The following TAF4 variants were observed in gnomAD, a reference collection of about 807,000 sequenced individuals.
TAF4 encodes the protein TATA-box binding protein associated factor 4.
A neutral mutation model predicts 90.3 loss-of-function variants in TAF4; 9 were observed. That is an observed-to-expected ratio of 0.10 (90% confidence interval 0.06 to 0.17). The LOEUF is 0.17. Among genes scored for constraint, TAF4 ranks in the 10% least tolerant of loss-of-function variants. The pLI is 1.00. For missense variants in TAF4, 1,351 were observed against 1,370.7 expected, an observed-to-expected ratio of 0.99 and a Z score of 0.23; for synonymous variants, 818 against 638.9, an observed-to-expected ratio of 1.28 and a Z score of -4.23.
intron 7 of TAF4, among the ~76,000 whole-genome samples, chr20:62,004,088 G>A (rs1473699688): frequency 1.3e-5 from 2 of 152,184 alleles, no homozygotes; most frequent in Non-Finnish European, 2.9e-5. Flanking sequence ...GGACGTGGGC[G>A]AGGGGTGCCC....
chr20:62,040,453 C>T (rs933945804), intron 1 of TAF4, among the ~76,000 whole-genome samples: 14 of 152,172 alleles, frequency 9.2e-5, no homozygotes, highest in African/African-American at 2.7e-4. Flanking sequence ...CAGTGGCTGC[C>T]GGGGAGGAAG....
intron 1 of TAF4, among the ~76,000 whole-genome samples, chr20:62,051,042 G>A (rs2056024286): frequency 6.6e-6 from 1 of 152,180 alleles, no homozygotes; most frequent in Non-Finnish European, 1.5e-5. Context: ...GCACACTCTC[G>A]AAAAGTTACA....
intron 9 of TAF4, among the ~76,000 whole-genome samples, chr20:62,001,521 C>A (rs1455990977): frequency 6.6e-6 from 1 of 152,214 alleles, no homozygotes; most frequent in African/African-American, 2.4e-5. Flanking sequence ...CCTCCACTTG[C>A]CGCCTCCAGC....
chr20:61,990,602 C>T (rs567146707), intron 14 of TAF4, among the ~76,000 whole-genome samples: 19 of 152,296 alleles, frequency 1.2e-4, no homozygotes, highest in African/African-American at 4.3e-4. Context: ...CTCCAAGAGC[C>T]GCAGTCAAAC....
chr20:61,993,158 TCA>T (rs2055642477), intron 14 of TAF4, among the ~76,000 whole-genome samples: 1 of 152,142 alleles, frequency 6.6e-6, no homozygotes, highest in Non-Finnish European at 1.5e-5. Context: ...GAGAAGGAAC[TCA>T]CAGACTAAGA....
chr20:62,003,624 A>C, intron 8 of TAF4, 107 bp downstream of exon 8: 1 of 1,358,358 alleles, frequency 7.4e-7, no homozygotes, highest in Non-Finnish European at 9.8e-7. Context: ...TAAAATGGCC[A>C]ATTTTATGTA....
chr20:62,047,563 C>A (rs1266492168), intron 1 of TAF4, among the ~76,000 whole-genome samples: 1 of 152,186 alleles, frequency 6.6e-6, no homozygotes, highest in Non-Finnish European at 1.5e-5. Context: ...AGTAAGTCCA[C>A]AGGCAAGTGA....
intron 1 of TAF4, among the ~76,000 whole-genome samples, chr20:62,040,027 T>C (rs1280717024): frequency 6.6e-6 from 1 of 152,262 alleles, no homozygotes; most frequent in African/African-American, 2.4e-5. Context: ...CTTTATGCGC[T>C]GCTGGTGAGA....
At chr20:62,020,693 T>A (rs181202187) in intron 1 of TAF4, among the ~76,000 whole-genome samples, 16 of 152,118 alleles carry the variant, frequency 1.1e-4, no homozygotes, top group Admixed American at 5.9e-4. Context: ...AGTGAACTGA[T>A]CAAAATAAGC....
intron 3 of TAF4, chr20:62,012,458 T>G (rs1175585454): frequency 2.9e-5 from 5 of 171,000 alleles, no homozygotes; most frequent in African/African-American, 1.2e-4. Context: ...CAAGGCCACA[T>G]GTGCACACAC....
chr20:62,026,459 A>G (rs1467849901), intron 1 of TAF4, among the ~76,000 whole-genome samples: 1 of 152,158 alleles, frequency 6.6e-6, no homozygotes, highest in African/African-American at 2.4e-5. Flanking sequence ...TCTCTGAAAA[A>G]TAACACCAAG....
Position 62,000,533 on chromosome 20 carries a change from T to C in TAF4, c.2656+19A>G, listed in dbSNP as rs1043434352. 4 of 1,606,836 alleles carry C rather than the reference T, an allele frequency of 2.5e-6. No individual in the cohort carries two copies. The highest frequency in any genetic ancestry group is 1.3e-5 in the African/African-American group (1 of 74,690). ...GCGCAGCTGTTTAATAAGAACTCAG[T>C]CATTAAACACCAACGTACCTATTTC... On this transcript the variant is annotated intron_variant, in intron 10 of 14. Transcript: ENST00000252996.
Position 61,997,577 on chromosome 20 carries a change from G to T in TAF4, c.3063C>A (p.Asp1021Glu). The change falls in exon 14 of 15, where the codon GAC (aspartate) becomes GAA (glutamate). Residue 1021 changes from aspartate (D) to glutamate (E), a missense_variant. By Grantham distance (45) the Asp-to-Glu change is conservative (BLOSUM62 2). Around this residue, in one of 9 missense-constraint regions of TAF4, gnomAD observed 48 missense variants for 50.6 expected, o/e 0.95. Coordinates refer to ENST00000252996, the MANE Select transcript of TAF4 (RefSeq NM_003185.4). ...CTGCTCCTGAGCCCGGCCCCGGACAGTCCACTTTCCTCTTTTTCCTGGGCC... is the reference window on the plus strand; with the variant it reads ...CTGCTCCTGAGCCCGGCCCCGGACATTCCACTTTCCTCTTTTTCCTGGGCC... ...AIGPRKKRKV[D>E]CPGPGSGAEG... 1.2e-6 allele frequency: 2 copies of T among 1,613,500 alleles called. No homozygotes were observed.
rs532303324 is a variant in TAF4, at chr20:62,004,019, C to T, written c.2224-141G>A. On this transcript the variant is annotated intron_variant, in intron 7 of 14. Transcript: ENST00000252996. ...AGTCCTAGGAAGACCCCGTGTGCAG[C>T]TCAGCCCCAGCAGGCTGCAGGACCA... 729 of 1,095,624 alleles carry T rather than the reference C, an allele frequency of 6.7e-4. 1 individual carries two copies. The highest frequency in any genetic ancestry group is 8.4e-4 in the Non-Finnish European group (677 of 804,440). The allele number at this position is 1,095,624 out of a possible 1,614,324, so 67.9% of individuals were successfully genotyped here. A position where few individuals can be genotyped will look rare whatever the true frequency, so the allele number is the denominator to read the frequency against.
intron 1 of TAF4, among the ~76,000 whole-genome samples, chr20:62,047,042 A>G (rs916249762): frequency 6.6e-6 from 1 of 152,228 alleles, no homozygotes; most frequent in African/African-American, 2.4e-5. Context: ...TCAACCAGCA[A>G]AAGTTTTCCT....
At chr20:62,026,465 C>T (rs963691806) in intron 1 of TAF4, among the ~76,000 whole-genome samples, 3 of 152,192 alleles carry the variant, frequency 2.0e-5, no homozygotes, top group Non-Finnish European at 2.9e-5. Flanking sequence ...AAAAATAACA[C>T]CAAGCTAGCT....
Position 62,003,170 on chromosome 20 carries a change from C to A in TAF4, c.2476G>T (p.Gly826Cys). The A allele has an allele frequency of 6.2e-7, 1 of 1,614,168 alleles. No individual in the cohort carries two copies. Among genetic ancestry groups the A allele is most frequent in the Non-Finnish European group, 8.5e-7 (1 of 1,180,010 alleles). The change falls in exon 9 of 15, where the codon GGT becomes TGT. Residue 826 changes from glycine (G) to cysteine (C), a missense_variant. Physicochemically the swap from Gly to Cys is radical, Grantham distance 159 (BLOSUM62 -3). Coordinates refer to ENST00000252996, the MANE Select transcript of TAF4 (RefSeq NM_003185.4). Reference protein sequence around the residue: ...QKNKLKEPGGGSFRDDDDIND... With the variant: ...QKNKLKEPGGCSFRDDDDIND... ...AGGCCCATTCCTTACCGAAACGAAC[C>A]TCCCCCAGGCTCCTTGAGTTTATTT...
At chr20:62,046,064 C>T (rs2055991539) in intron 1 of TAF4, among the ~76,000 whole-genome samples, 1 of 152,212 alleles carries the variant, frequency 6.6e-6, no homozygotes, top group South Asian at 2.1e-4. Context: ...CCTCGCTCTG[C>T]GGTGCCCCCG....
At chr20:62,007,106 CCTGATT>C (rs1385845093) in intron 6 of TAF4, 2 of 278,578 alleles carry the variant, frequency 7.2e-6, no homozygotes, top group Non-Finnish European at 1.3e-5. Flanking sequence ...CCCCAAATAT[CCTGATT>C]CTATCTATGA....
Sources: allele counts gnomAD v4.1 joint callset (sites outside exome capture counted in the v4.1 genomes callset), GRCh38; gene constraint gnomAD v4.1.1; regional missense constraint gnomAD v4.1.1; transcripts MANE v1.5; gene names NCBI Gene and HGNC (gene_info 2026-07-23, HGNC 2026-07-21).